BSND: variants seen among roughly 807,000 people sequenced by gnomAD.
The protein encoded by BSND is barttin.
BSND carries 13 observed loss-of-function variants against 18.8 expected under a neutral mutation model. The observed-to-expected ratio is 0.69, with a 90% CI of 0.45 to 1.10. The LOEUF is 1.10. Among genes scored for constraint, BSND ranks in the 50% least tolerant of loss-of-function variants. The pLI is 0.00. For synonymous variants in BSND, 170 were observed against 161.8 expected (o/e 1.05, Z -0.39); for missense variants, 379 against 416.7 (o/e 0.91, Z 0.79).
At chr1:55,004,900 G>A in intron 1 of BSND, 122 bp from the exon 2 acceptor site, 1 of 856,328 alleles carries the variant, frequency 1.2e-6, no homozygotes, top group Non-Finnish European at 1.9e-6. Context: ...TGTCAAGCAG[G>A]GAGGCCTCCG....
chr1:55,000,972 G>C (rs2101645381), intron 1 of BSND, among the ~76,000 whole-genome samples: 1 of 152,284 alleles, frequency 6.6e-6, no homozygotes, highest in Non-Finnish European at 1.5e-5. Flanking sequence ...GGGGAGGGGA[G>C]GGGAGGAGGG....
In BSND at chr1:55,016,265, A is replaced by C. The variant is rs1644450911; in HGVS notation, c.*7637A>C. On this transcript the variant is annotated 3_prime_UTR_variant, in exon 4 of 4. Coordinates refer to ENST00000651561, the MANE Select transcript of BSND (RefSeq NM_057176.3). ...GAGAGACAGAGAGAGAGAACTAGAA[A>C]TCAGACAGGAAAAGAAAGGGAATTC... is the stretch of plus-strand genomic sequence containing the variant. Among the ~76,000 whole-genome samples, 1 of 152,236 alleles carries C rather than the reference A, an allele frequency of 6.6e-6. No homozygotes were observed. Among genetic ancestry groups the C allele is most frequent in the African/African-American group, 2.4e-5 (1 of 41,460 alleles).
At chr1:55,007,691 C>A (rs920497078) in intron 3 of BSND, among the ~76,000 whole-genome samples, 2 of 152,172 alleles carry the variant, frequency 1.3e-5, no homozygotes, top group African/African-American at 2.4e-5. Flanking sequence ...CTGCTGCTGA[C>A]CTGCTCTGTG....
chr1:55,010,293 T>C lies in BSND; in HGVS notation c.*1665T>C, dbSNP rs6588543. The C allele has an allele frequency of 0.26, 39,153 of 152,060 alleles. 5,466 individuals carry two copies. Among genetic ancestry groups the C allele is most frequent in the African/African-American group, 0.37 (15,231 of 41,424 alleles). 9.4% of individuals were successfully genotyped at this position (152,060 alleles called of 1,614,324 possible). A position where few individuals can be genotyped will look rare whatever the true frequency, so the allele number is the denominator to read the frequency against. ...AGCTGTTTGGGGCAGTTGAGTATGG[T>C]GGGGAAATAGCTCAAGCTGTCTTTG... is the stretch of plus-strand genomic sequence containing the variant. On this transcript the variant is annotated 3_prime_UTR_variant, in exon 4 of 4. Coordinates refer to ENST00000651561, the MANE Select transcript of BSND (RefSeq NM_057176.3).
chr1:55,007,888 C>A (rs973636645), intron 3 of BSND, among the ~76,000 whole-genome samples: 1 of 152,202 alleles, frequency 6.6e-6, no homozygotes, highest in Non-Finnish European at 1.5e-5. Flanking sequence ...CCCGGGGACA[C>A]CTCAGTGTAA....
At position 55,007,131 on chromosome 1, in the gene BSND, T is replaced by TG; in HGVS notation, c.411dup (p.Gln138AlafsTer8). 1 of 1,614,078 alleles carries TG rather than the reference T, an allele frequency of 6.2e-7. No homozygotes were observed. The highest frequency in any genetic ancestry group is 8.5e-7 in the Non-Finnish European group (1 of 1,180,020). ...CACCGCTCCTTGCTGGCCCCTGAGA[T>TG]GGGGCAGCCGAAGCTGGGAACCAGT... On this transcript the variant is annotated frameshift_variant, in exon 3 of 4. Transcript: ENST00000651561. LOFTEE classifies it high-confidence loss of function.
At position 55,005,193 on chromosome 1, in the gene BSND, G is replaced by A; in HGVS notation, c.272+77G>A. On this transcript the variant is annotated intron_variant, in intron 2 of 3. Transcript: ENST00000651561. Reference sequence around the variant, plus strand: ...TCCCCTGACTGAGGAGAGTGAGAGGGAGGGCAGGAAGGCTGTTTGCCTTCT... The same window carrying A: ...TCCCCTGACTGAGGAGAGTGAGAGGAAGGGCAGGAAGGCTGTTTGCCTTCT... 1.6e-5 allele frequency: 22 copies of A among 1,392,632 alleles called. No homozygotes were observed. In the South Asian group the frequency reaches 2.6e-4, roughly 16 times the overall value. 86.3% of individuals were successfully genotyped at this position (1,392,632 alleles called of 1,614,324 possible).
Position 55,015,645 on chromosome 1 carries a change from T to C in BSND, c.*7017T>C, listed in dbSNP as rs1263186497. The stretch of plus-strand genomic sequence containing the variant: ...ATGTGTTCATTCATTTGTTCACTTA[T>C]TCATTTATTCTAACCACAAACACTA... On this transcript the variant is annotated 3_prime_UTR_variant, in exon 4 of 4. Transcript: ENST00000651561. Among the ~76,000 whole-genome samples the C allele has an allele frequency of 1.3e-5, 2 of 152,186 alleles. No individual in the cohort carries two copies. Among genetic ancestry groups the C allele is most frequent in the East Asian group, 1.9e-4 (1 of 5,196 alleles).
chr1:54,999,527 C>A (rs544930641), intron 1 of BSND, among the ~76,000 whole-genome samples, 164 bp downstream of exon 1: 1 of 128,398 alleles, frequency 7.8e-6, no homozygotes, highest in African/African-American at 4.2e-5. Context: ...TCCCATCCAT[C>A]CATCCATCCA....
chr1:55,013,696 G>A lies in BSND; in HGVS notation c.*5068G>A, dbSNP rs187862859. ...GCATCTCCCTGTGCTAGTGTGGAGG[G>A]AGACACCCCCCTGCAACATCTTCCA... On this transcript the variant is annotated 3_prime_UTR_variant, in exon 4 of 4. Transcript: ENST00000651561. 6.6e-6 allele frequency among the ~76,000 whole-genome samples: 1 copy of A among 152,194 alleles called. No homozygotes were observed. The highest frequency in any genetic ancestry group is 6.5e-5 in the Admixed American group (1 of 15,296).
Position 55,008,627 on chromosome 1 carries a change from G to A in BSND, c.962G>A (p.Ter321=), listed in dbSNP as rs1484807603. The A allele has an allele frequency of 1.2e-6, 2 of 1,614,130 alleles. No homozygotes were observed. Among genetic ancestry groups the A allele is most frequent in the East Asian group, 2.2e-5 (1 of 44,872 alleles). ...ELGFEPDTQG[*] ...GGTTTTGAGCCTGACACCCAAGGCT[G>A]AGATGTTTGTGCTCCGTAGCTTCTA... The change falls in exon 4 of 4, where the codon TGA becomes TAA. Residue 321 remains the stop codon, a stop_retained_variant. Transcript: ENST00000651561.
At position 55,010,219 on chromosome 1, in the gene BSND, A is replaced by G. The variant is rs1241894032; in HGVS notation, c.*1591A>G. ...GCAGAGCAGAAGCTGAGGTGGGAAC[A>G]GAGAAGTAAAAAATGGACACACCAG... On this transcript the variant is annotated 3_prime_UTR_variant, in exon 4 of 4. Transcript: ENST00000651561. The G allele has an allele frequency of 6.6e-6, 1 of 152,226 alleles. No individual in the cohort carries two copies. Among genetic ancestry groups the G allele is most frequent in the African/African-American group, 2.4e-5 (1 of 41,436 alleles). 9.4% of individuals were successfully genotyped at this position (152,226 alleles called of 1,614,324 possible).
chr1:55,008,430 G>A lies in BSND; in HGVS notation c.765G>A (p.Glu255=). ...DAPTLEDEPQ[E]GQQWEIALPN... ...CAACGTTGGAGGATGAGCCCCAAGA[G>A]GGGCAGCAGTGGGAAATAGCCCTGC... The change falls in exon 4 of 4, where the codon GAG becomes GAA. Residue 255 remains glutamate (E), a synonymous_variant. Transcript: ENST00000651561. The A allele has an allele frequency of 6.2e-7, 1 of 1,614,202 alleles. No homozygotes were observed. Among genetic ancestry groups the A allele is most frequent in the Non-Finnish European group, 8.5e-7 (1 of 1,180,012 alleles).
intron 2 of BSND, among the ~76,000 whole-genome samples, chr1:55,006,313 C>T (rs971001553): frequency 1.1e-4 from 17 of 152,184 alleles, no homozygotes; most frequent in African/African-American, 3.9e-4. Flanking sequence ...TTCCCAGTCA[C>T]TTCCCGGCTG....
chr1:55,005,962 G>A (rs1263704489), intron 2 of BSND, among the ~76,000 whole-genome samples: 2 of 152,176 alleles, frequency 1.3e-5, no homozygotes, highest in Admixed American at 1.3e-4. Context: ...CCTCTCTGGA[G>A]GTTTTGAGCC....
Position 55,014,461 on chromosome 1 carries a change from G to A in BSND, c.*5833G>A, listed in dbSNP as rs2100215634. Among the ~76,000 whole-genome samples the A allele has an allele frequency of 6.6e-6, 1 of 152,334 alleles. No homozygotes were observed. The highest frequency in any genetic ancestry group is 2.4e-5 in the African/African-American group (1 of 41,578). ...AGATCATGCATATTGAGTGTAGCAT[G>A]TGCCTAGCACCTGGTGAGCCCCCAG... On this transcript the variant is annotated 3_prime_UTR_variant, in exon 4 of 4. Coordinates refer to ENST00000651561, the MANE Select transcript of BSND (RefSeq NM_057176.3).
rs1316709663 is a variant in BSND at position 55,013,588 on chromosome 1, A to G, written c.*4960A>G. ...GGGCTTTCTGTTCCTGCCAGGAATCATCCAGTAGCCCCAGGCCATTCTGAC... is the reference window on the plus strand; with the variant it reads ...GGGCTTTCTGTTCCTGCCAGGAATCGTCCAGTAGCCCCAGGCCATTCTGAC... On this transcript the variant is annotated 3_prime_UTR_variant, in exon 4 of 4. Transcript: ENST00000651561. Among the ~76,000 whole-genome samples, 1 of 152,166 alleles carries G rather than the reference A, an allele frequency of 6.6e-6. No individual in the cohort carries two copies. The highest frequency in any genetic ancestry group is 1.5e-5 in the Non-Finnish European group (1 of 68,024).
Position 55,008,314 on chromosome 1 carries a change from G to C in BSND, c.649G>C (p.Asp217His). The change falls in exon 4 of 4, where the codon GAC (aspartate) becomes CAC (histidine). Residue 217 changes from aspartate to histidine, a missense_variant. Asp to His is a moderately conservative substitution (Grantham distance 81, BLOSUM62 -1). Transcript: ENST00000651561. ...EGSSPNASPH[D>H]REEACSPQQE... ...CAGCAGCCCCAATGCATCTCCACAT[G>C]ACAGGGAGGAAGCTTGTTCCCCACA... The C allele has an allele frequency of 6.2e-7, 1 of 1,614,212 alleles. No homozygotes were observed.
intron 1 of BSND, among the ~76,000 whole-genome samples, chr1:55,002,274 C>T (rs377500462): frequency 6.6e-6 from 1 of 152,148 alleles, no homozygotes; most frequent in East Asian, 1.9e-4. Context: ...GTCAGCTGGG[C>T]CTCAGGCATG....
Sources: gnomAD v4.1 joint callset for allele counts (sites outside exome capture counted in the v4.1 genomes callset) on GRCh38, gnomAD v4.1.1 for gene constraint, MANE v1.5 for transcripts, NCBI Gene and HGNC (gene_info 2026-07-23, HGNC 2026-07-21) for gene names.